SEPTIN6: variants seen among roughly 807,000 people sequenced by gnomAD.
The protein encoded by SEPTIN6 is septin-6.
SEPTIN6 carries 8 observed loss-of-function variants against 33.6 expected under a neutral mutation model. That is an observed-to-expected ratio of 0.24 (90% CI 0.14 to 0.43). The LOEUF is 0.43. Among genes scored for constraint, SEPTIN6 ranks in the 20% least tolerant of loss-of-function variants. The pLI is 1.00. For synonymous variants in SEPTIN6, 131 were observed against 140.0 expected, an observed-to-expected ratio of 0.94 and a Z score of 0.45; for missense variants, 250 against 340.8, an observed-to-expected ratio of 0.73 and a Z score of 2.10.
chrX:119,624,594 A>T (rs1186191433), intron 10 of SEPTIN6, among the ~76,000 whole-genome samples: 1 of 111,376 alleles, frequency 9.0e-6, no homozygotes, highest in Non-Finnish European at 1.9e-5. Flanking sequence ...ACATTCTCAA[A>T]CCTGATGCAG....
At chrX:119,657,326 A>G (rs112412560) in intron 3 of SEPTIN6, among the ~76,000 whole-genome samples, 2,091 of 110,806 alleles carry the variant, frequency 0.019, 51 homozygotes, top group East Asian at 0.15. Context: ...AAAGTGGACT[A>G]GGTTTCCACG....
chrX:119,646,180 G>C (rs1222456479), intron 5 of SEPTIN6, among the ~76,000 whole-genome samples: 1 of 111,372 alleles, frequency 9.0e-6, no homozygotes. Flanking sequence ...AAGACCATTG[G>C]CTGATTTGCT....
At chrX:119,641,858 C>T (rs2054163586) in intron 5 of SEPTIN6, among the ~76,000 whole-genome samples, 1 of 112,912 alleles carries the variant, frequency 8.9e-6, no homozygotes, top group African/African-American at 3.2e-5. Context: ...TTTACACCAA[C>T]AGGTAAAGAG....
At chrX:119,625,488 G>T in intron 9 of SEPTIN6, 109 bp from the exon 10 acceptor site, 4 of 701,890 alleles carry the variant, frequency 5.7e-6, no homozygotes, top group Middle Eastern at 3.0e-4. Context: ...ATTAGGAGTA[G>T]CAGGAAGGGG....
Position 119,636,794 on chromosome X carries a change from A to T in SEPTIN6, c.956+233T>A, listed in dbSNP as rs182285747. 2.2e-3 allele frequency among the ~76,000 whole-genome samples: 248 copies of T among 111,239 alleles called. 3 individuals carry two copies. The East Asian group carries it at 0.058, about 26-fold the overall frequency. On this transcript the variant is annotated intron_variant, in intron 7 of 10. Coordinates refer to ENST00000394610, the MANE Select transcript of SEPTIN6 (RefSeq NM_145799.4). ...GGGCATCCTCCCTTCCCTTGCCCTT[A>T]AAAGCAAGGCGGCGGTACTTCCCAA...
chrX:119,655,396 C>T (rs1006894330), intron 3 of SEPTIN6, among the ~76,000 whole-genome samples: 16 of 111,084 alleles, frequency 1.4e-4, no homozygotes, highest in African/African-American at 5.2e-4. Flanking sequence ...CGGTGGCCAC[C>T]TCTCTCCCAC....
At chrX:119,643,372 T>A (rs1293861611) in intron 5 of SEPTIN6, among the ~76,000 whole-genome samples, 1 of 108,007 alleles carries the variant, frequency 9.3e-6, no homozygotes, top group Non-Finnish European at 1.9e-5. Flanking sequence ...GCATGTGAAT[T>A]GGGAGGTGCT....
At chrX:119,668,941 C>T (rs2054696701) in intron 2 of SEPTIN6, among the ~76,000 whole-genome samples, 1 of 111,555 alleles carries the variant, frequency 9.0e-6, no homozygotes, top group Non-Finnish European at 1.9e-5. Context: ...CCCCTTCCCG[C>T]CCTTTCCCCC....
Position 119,685,384 on chromosome X carries a change from G to A in SEPTIN6, c.30+7692C>T, listed in dbSNP as rs1354372299. The stretch of plus-strand genomic sequence containing the variant: ...CACCCAGCTCAAGGGGTCAAAGCAG[G>A]GAAGGGGTGGGGTTCAATTCTGCCA... On this transcript the variant is annotated intron_variant, in intron 1 of 10. Coordinates refer to ENST00000394610, the MANE Select transcript of SEPTIN6 (RefSeq NM_145799.4). Among the ~76,000 whole-genome samples, 3 of 111,186 alleles carry A rather than the reference G, an allele frequency of 2.7e-5. No homozygotes were observed. In the Admixed American group the frequency reaches 2.9e-4, roughly 11 times the overall value.
intron 6 of SEPTIN6, among the ~76,000 whole-genome samples, chrX:119,639,222 G>A (rs1045687289): frequency 8.9e-6 from 1 of 111,849 alleles, no homozygotes; most frequent in Non-Finnish European, 1.9e-5. Flanking sequence ...TGGACAACTC[G>A]CCATCCACTT....
rs752788301 is a variant in SEPTIN6, at chrX:119,670,356, G to A, written c.145+5198C>T. The stretch of plus-strand genomic sequence containing the variant: ...GCGGATCACTTGAGGTCAAGAGTTC[G>A]AGACCAGCCTGGCCAACATGGTGAG... On this transcript the variant is annotated intron_variant, in intron 2 of 10. Coordinates refer to ENST00000394610, the MANE Select transcript of SEPTIN6 (RefSeq NM_145799.4). Among the ~76,000 whole-genome samples the A allele has an allele frequency of 6.4e-5, 7 of 109,239 alleles. No homozygotes were observed. In the East Asian group the frequency reaches 8.6e-4, roughly 13 times the overall value. 94.9% of individuals were successfully genotyped at this position (109,239 alleles called of 115,157 possible). A position where few individuals can be genotyped will look rare whatever the true frequency, so the allele number is the denominator to read the frequency against.
rs973965192 is a variant in SEPTIN6 at position 119,640,722 on chromosome X, C to T, written c.757G>A (p.Ala253Thr). ...ELKIGNKMMRARQYPWGTVQV... is the reference protein window; with the variant it reads ...ELKIGNKMMRTRQYPWGTVQV... ...ACAGTGCCCCAAGGATACTGCCGCG[C>T]CCTCATCATCTTGTTGCCTATCTTC... The change falls in exon 6 of 11, where the codon GCG becomes ACG. Residue 253 changes from alanine (A) to threonine (T), a missense_variant. Physicochemically the swap from Ala to Thr is moderately conservative, Grantham distance 58 (BLOSUM62 0). Around this residue, in one of 2 missense-constraint regions of SEPTIN6, gnomAD observed 139 missense variants for 227.0 expected, o/e 0.61. Transcript: ENST00000394610. The T allele has an allele frequency of 8.3e-7, 1 of 1,211,243 alleles. No homozygotes were observed. Among genetic ancestry groups the T allele is most frequent in the Non-Finnish European group, 1.1e-6 (1 of 894,972 alleles).
intron 5 of SEPTIN6, among the ~76,000 whole-genome samples, chrX:119,645,978 T>C (rs1347727886): frequency 8.9e-6 from 1 of 112,173 alleles, no homozygotes; most frequent in African/African-American, 3.2e-5. Flanking sequence ...GTGAGTTACT[T>C]TATTCTTATT....
At chrX:119,645,155 G>A (rs779837143) in intron 5 of SEPTIN6, among the ~76,000 whole-genome samples, 133 of 107,847 alleles carry the variant, frequency 1.2e-3, no homozygotes, top group African/African-American at 4.2e-3. Context: ...TGATCCACCC[G>A]CCTTGGTCTC....
chrX:119,635,038 A>G (rs906228758), intron 7 of SEPTIN6: 5 of 264,861 alleles, frequency 1.9e-5, no homozygotes, highest in Non-Finnish European at 3.6e-5. Context: ...GAAAGAAAAG[A>G]AAAGAAGAAG....
At chrX:119,672,618 T>A (rs1244284980) in intron 2 of SEPTIN6, among the ~76,000 whole-genome samples, 2 of 112,430 alleles carry the variant, frequency 1.8e-5, no homozygotes, top group Non-Finnish European at 3.8e-5. Context: ...CTGGGAAGAA[T>A]GCCAAGGGAC....
At chrX:119,684,582 C>T (rs921254548) in intron 1 of SEPTIN6, among the ~76,000 whole-genome samples, 1 of 106,605 alleles carries the variant, frequency 9.4e-6, no homozygotes, top group Non-Finnish European at 1.9e-5. Flanking sequence ...CCTCCGTCTC[C>T]AGGGTTCAAG....
chrX:119,618,652 T>C lies in SEPTIN6; in HGVS notation c.*1441A>G. The C allele has an allele frequency of 1.7e-6, 2 of 1,158,965 alleles. No individual in the cohort carries two copies. The highest frequency in any genetic ancestry group is 2.3e-6 in the Non-Finnish European group (2 of 869,217). ...AGTGAGCTTGAAGTACATGGCAGGA[T>C]AGGGGTGGGGGGCCTCGCTGCCTGG... On this transcript the variant is annotated 3_prime_UTR_variant, in exon 11 of 11. Transcript: ENST00000394610.
intron 1 of SEPTIN6, among the ~76,000 whole-genome samples, chrX:119,687,670 T>C (rs1000053348): frequency 6.2e-5 from 7 of 112,229 alleles, no homozygotes; most frequent in African/African-American, 2.3e-4. Flanking sequence ...AAATCAGCCC[T>C]ACTTAGTTTG....
Sources: gnomAD v4.1 joint callset for allele counts (sites outside exome capture counted in the v4.1 genomes callset) on GRCh38, gnomAD v4.1.1 for gene constraint, gnomAD v4.1.1 regional missense constraint, MANE v1.5 for transcripts, NCBI Gene and HGNC (gene_info 2026-07-23, HGNC 2026-07-21) for gene names.